Variants in ERGIC3 observed in about 807,000 individuals in gnomAD.
The protein encoded by ERGIC3 is ERGIC and golgi 3.
Under a neutral mutation model 54.7 loss-of-function variants are expected in ERGIC3, and 33 were observed. The ratio of observed to expected loss-of-function variants is 0.60; its 90% CI spans 0.46 to 0.81. The LOEUF (loss-of-function observed/expected upper bound fraction) is 0.81, where lower values mean the gene tolerates loss of function less well. Ranked by LOEUF, ERGIC3 falls within the 30% of genes least tolerant of loss-of-function variation. The pLI is 0.00. For missense variants in ERGIC3, 399 were observed against 488.4 expected, an observed-to-expected ratio of 0.82 and a Z score of 1.73; for synonymous variants, 186 against 189.8, an observed-to-expected ratio of 0.98 and a Z score of 0.16.
intron 4 of ERGIC3, chr20:35,543,903 TTC>T (rs2064631235): frequency 3.0e-6 from 1 of 332,748 alleles, no homozygotes; most frequent in Non-Finnish European, 6.0e-6. Context: ...AATGTGTTTT[TTC>T]AGTTTCCCTG....
intron 4 of ERGIC3, chr20:35,544,062 CT>C: frequency 4.8e-6 from 1 of 209,530 alleles, no homozygotes; most frequent in South Asian, 8.1e-5. Flanking sequence ...ATCTATCTAT[CT>C]GTCTATCTTG....
chr20:35,555,406 A>C (rs559263398), intron 8 of ERGIC3, among the ~76,000 whole-genome samples: 221 of 152,274 alleles, frequency 1.5e-3, no homozygotes, highest in African/African-American at 4.9e-3. Flanking sequence ...ACCACACCGG[A>C]CTCAGAGGCC....
At chr20:35,547,573 T>C (rs967429188) in intron 5 of ERGIC3, 68 bp downstream of exon 5, 2 of 1,454,924 alleles carry the variant, frequency 1.4e-6, no homozygotes, top group Non-Finnish European at 1.9e-6. Context: ...TCAGCCTCAG[T>C]CAGACTGTGG....
At chr20:35,547,592 G>C in intron 5 of ERGIC3, 87 bp downstream of exon 5, 1 of 1,239,064 alleles carries the variant, frequency 8.1e-7, no homozygotes, top group Non-Finnish European at 1.2e-6. Context: ...GGCAGGTGGG[G>C]AGGTCAGACC....
intron 8 of ERGIC3, 34 bp downstream of exon 8, chr20:35,555,109 G>C (rs138998958): frequency 1.2e-6 from 2 of 1,605,250 alleles, no homozygotes; most frequent in Middle Eastern, 1.7e-4. Flanking sequence ...GAGGGCAGGT[G>C]GGGGTGGGAG....
In ERGIC3 at chr20:35,556,876, G is replaced by A. The variant is rs754323810; in HGVS notation, c.880-97G>A. Reference sequence around the variant, plus strand: ...CTGTGTTCTCTCCTTACACGGCCAAGGCTCAACAGGAAAGGGGAAGGAGCA... The same window carrying A: ...CTGTGTTCTCTCCTTACACGGCCAAAGCTCAACAGGAAAGGGGAAGGAGCA... On this transcript the variant is annotated intron_variant, in intron 10 of 12. Coordinates refer to ENST00000348547, the MANE Select transcript of ERGIC3 (RefSeq NM_015966.3). 5 of 1,556,460 alleles carry A rather than the reference G, an allele frequency of 3.2e-6. No homozygotes were observed. The East Asian group carries it at 1.1e-4, about 36-fold the overall frequency.
chr20:35,554,492 C>A, intron 7 of ERGIC3: 1 of 1,246,410 alleles, frequency 8.0e-7, no homozygotes, highest in Non-Finnish European at 1.2e-6. Context: ...TCTCCTCTGA[C>A]CTGGCTGCTG....
At chr20:35,549,660 A>G (rs182903705) in intron 7 of ERGIC3, 1 of 168,638 alleles carries the variant, frequency 5.9e-6, no homozygotes, top group East Asian at 1.8e-4. Flanking sequence ...TTTTTGAGAC[A>G]GAGTCTCACT....
intron 4 of ERGIC3, chr20:35,543,200 G>GTT: frequency 4.7e-6 from 2 of 426,436 alleles, no homozygotes; most frequent in South Asian, 4.1e-5. Context: ...GAATACCAGA[G>GTT]GTTTGAAGAT....
At chr20:35,544,813 T>TTTTTTC (rs2064639086) in intron 4 of ERGIC3, 1 of 137,084 alleles carries the variant, frequency 7.3e-6, no homozygotes, top group East Asian at 2.1e-4. Flanking sequence ...TACTTTTTTT[T>TTTTTTC]TTTTTTTTTT....
chr20:35,554,001 A>T (rs1041462528), intron 7 of ERGIC3, among the ~76,000 whole-genome samples: 3 of 152,168 alleles, frequency 2.0e-5, no homozygotes, highest in Non-Finnish European at 4.4e-5. Flanking sequence ...GGGGTGGGTA[A>T]TAATCTCTTA....
chr20:35,555,565 C>A lies in ERGIC3; in HGVS notation c.718-468C>A, dbSNP rs141288330. Among the ~76,000 whole-genome samples the A allele has an allele frequency of 5.1e-4, 77 of 152,192 alleles. 1 individual carries two copies. The East Asian group carries it at 0.014, about 29-fold the overall frequency. ...ACAAGGGAGCAGGAAGGGAGTGTAT[C>A]TGGGGGTTCACAGCCTCCAGCCTAG... is the stretch of plus-strand genomic sequence containing the variant. On this transcript the variant is annotated intron_variant, in intron 8 of 12. Transcript: ENST00000348547.
chr20:35,543,654 T>A (rs2064629755), intron 4 of ERGIC3: 2 of 471,124 alleles, frequency 4.2e-6, no homozygotes, highest in African/African-American at 4.0e-5. Flanking sequence ...ATTCGTTGTT[T>A]CAGCAGATTA....
At chr20:35,543,069 T>A in intron 4 of ERGIC3, 128 bp downstream of exon 4, 1 of 1,382,618 alleles carries the variant, frequency 7.2e-7, no homozygotes, top group Non-Finnish European at 1.0e-6. Context: ...GTCAAGTGAC[T>A]TGCCTAGGGT....
intron 4 of ERGIC3, among the ~76,000 whole-genome samples, chr20:35,546,333 TG>T (rs1186300818): frequency 6.6e-6 from 1 of 152,002 alleles, no homozygotes; most frequent in Non-Finnish European, 1.5e-5. Context: ...AGTGGTGAGA[TG>T]GTGGGTTTGG....
intron 7 of ERGIC3, among the ~76,000 whole-genome samples, chr20:35,552,269 G>A (rs1020825197): frequency 6.6e-6 from 1 of 152,200 alleles, no homozygotes; most frequent in Non-Finnish European, 1.5e-5. Flanking sequence ...AGGAGAGAGG[G>A]AAGGAGGTGT....
At chr20:35,542,251 ACT>A (rs1211448932) in intron 1 of ERGIC3, 66 bp downstream of exon 1, 9 of 1,611,350 alleles carry the variant, frequency 5.6e-6, no homozygotes, top group Non-Finnish European at 6.8e-6. Context: ...GGGCTCCTGG[ACT>A]CTGACTGGCC....
At chr20:35,553,171 A>AATT (rs1186914909) in intron 7 of ERGIC3, among the ~76,000 whole-genome samples, 1 of 127,400 alleles carries the variant, frequency 7.8e-6, no homozygotes, top group African/African-American at 3.0e-5. Flanking sequence ...TGCCTGGCTA[A>AATT]TTTTTTTTTT....
chr20:35,551,166 C>T (rs1209833224), intron 7 of ERGIC3, among the ~76,000 whole-genome samples: 4 of 151,936 alleles, frequency 2.6e-5, no homozygotes, highest in African/African-American at 4.8e-5. Context: ...TAGCGGCGTG[C>T]GCCTGTAGTC....
Sources: gnomAD v4.1 joint callset for allele counts (sites outside exome capture counted in the v4.1 genomes callset) on GRCh38, gnomAD v4.1.1 for gene constraint, MANE v1.5 for transcripts, NCBI Gene and HGNC (gene_info 2026-07-23, HGNC 2026-07-21) for gene names.